PARPBP: variants seen among roughly 807,000 people sequenced by gnomAD.
PARPBP encodes PARP1 binding protein, also known as PCNA-interacting partner.
Under a neutral mutation model 50.0 loss-of-function variants are expected in PARPBP, and 52 were observed. The ratio of observed to expected loss-of-function variants is 1.04; its 90% CI spans 0.83 to 1.31. The LOEUF is 1.31. Among genes scored for constraint, PARPBP ranks in the 50% most tolerant of loss-of-function variants. The pLI is 0.00. For missense variants in PARPBP, 697 were observed against 672.0 expected (o/e 1.04, Z -0.41); for synonymous variants, 244 against 232.1 (o/e 1.05, Z -0.47).
chr12:102,157,158 G>T (rs1202544469), intron 4 of PARPBP, among the ~76,000 whole-genome samples: 3 of 152,004 alleles, frequency 2.0e-5, no homozygotes, highest in Non-Finnish European at 4.4e-5. Flanking sequence ...TAATACTCTT[G>T]TATGTCTCTT....
intron 4 of PARPBP, chr12:102,154,807 C>T (rs560188256): frequency 3.3e-5 from 15 of 453,820 alleles, no homozygotes; most frequent in African/African-American, 2.6e-4. Context: ...TATCAATTAA[C>T]TAAATCTTTC....
In PARPBP at chr12:102,123,841, G is replaced by A. The variant is rs1258846660; in HGVS notation, c.-3-45G>A. 4.5e-6 allele frequency: 6 copies of A among 1,341,126 alleles called. No individual in the cohort carries two copies. The Admixed American group carries it at 8.1e-5, about 18-fold the overall frequency. The allele number at this position is 1,341,126 out of a possible 1,614,324, so 83.1% of individuals were successfully genotyped here. A position where few individuals can be genotyped will look rare whatever the true frequency, so the allele number is the denominator to read the frequency against. Reference sequence around the variant, plus strand: ...CTATACATGTTAAATGTTAATTTCAGGTTAACATAAGATACTTTAACTTTG... The same window carrying A: ...CTATACATGTTAAATGTTAATTTCAAGTTAACATAAGATACTTTAACTTTG... On this transcript the variant is annotated intron_variant, in intron 1 of 10. Coordinates refer to ENST00000327680, the MANE Select transcript of PARPBP (RefSeq NM_017915.5).
intron 4 of PARPBP, among the ~76,000 whole-genome samples, chr12:102,160,948 C>CA (rs879283980): frequency 0.037 from 4,761 of 128,584 alleles, 137 homozygotes; most frequent in Middle Eastern, 0.095. Flanking sequence ...AACATCATCT[C>CA]AAAAAAAAAA....
chr12:102,148,523 G>T (rs1305349185), intron 3 of PARPBP, 60 bp downstream of exon 3: 1 of 646,538 alleles, frequency 1.5e-6, no homozygotes, highest in Non-Finnish European at 2.5e-6. Context: ...TATTTATTTT[G>T]AATTATAGTA....
intron 7 of PARPBP, among the ~76,000 whole-genome samples, chr12:102,176,667 C>G (rs954961485): frequency 6.6e-6 from 1 of 152,056 alleles, no homozygotes; most frequent in Non-Finnish European, 1.5e-5. Context: ...TCTAATAGCC[C>G]CTTTTTATTA....
At chr12:102,172,746 T>C (rs1283610188) in intron 6 of PARPBP, among the ~76,000 whole-genome samples, 2 of 152,224 alleles carry the variant, frequency 1.3e-5, no homozygotes, top group Admixed American at 6.5e-5. Context: ...TTTCCTAATA[T>C]CATTTGAAGC....
At chr12:102,180,850 C>T (rs919336559) in intron 8 of PARPBP, among the ~76,000 whole-genome samples, 1 of 152,152 alleles carries the variant, frequency 6.6e-6, no homozygotes, top group Non-Finnish European at 1.5e-5. Context: ...CAGTGGTCTA[C>T]ACTGAAATGA....
At chr12:102,138,314 T>C (rs932924086) in intron 2 of PARPBP, among the ~76,000 whole-genome samples, 1 of 152,250 alleles carries the variant, frequency 6.6e-6, no homozygotes, top group Non-Finnish European at 1.5e-5. Flanking sequence ...TTTTGAGAAG[T>C]ATCTGTTCAT....
At chr12:102,161,289 G>A (rs1034877445) in intron 4 of PARPBP, among the ~76,000 whole-genome samples, 2 of 151,892 alleles carry the variant, frequency 1.3e-5, no homozygotes, top group Non-Finnish European at 2.9e-5. Context: ...TGTATTTTTA[G>A]TAGAGACAGG....
chr12:102,120,194 C>G lies in PARPBP; in HGVS notation c.-96C>G. The G allele has an allele frequency of 4.1e-6, 1 of 242,992 alleles. No homozygotes were observed. Among genetic ancestry groups the G allele is most frequent in the Admixed American group, 5.1e-5 (1 of 19,484 alleles). 15.1% of individuals were successfully genotyped at this position (242,992 alleles called of 1,614,324 possible). A position where few individuals can be genotyped will look rare whatever the true frequency, so the allele number is the denominator to read the frequency against. Reference sequence around the variant, plus strand: ...GCGAGGTTTGAACTGTATTCAGCGGCGACAGCGGCGACTGCGGCGGCCGCG... The same window carrying G: ...GCGAGGTTTGAACTGTATTCAGCGGGGACAGCGGCGACTGCGGCGGCCGCG... On this transcript the variant is annotated 5_prime_UTR_variant, in exon 1 of 11. Transcript: ENST00000327680.
At chr12:102,151,727 G>C in intron 3 of PARPBP, 1 of 1,535,648 alleles carries the variant, frequency 6.5e-7, no homozygotes, top group Admixed American at 2.0e-5. Flanking sequence ...CTAAACTTCA[G>C]ATTGCCTGGG....
At chr12:102,124,563 A>T (rs1881667537) in intron 2 of PARPBP, among the ~76,000 whole-genome samples, 2 of 152,318 alleles carry the variant, frequency 1.3e-5, no homozygotes, top group African/African-American at 4.8e-5. Flanking sequence ...TGAATGTAGG[A>T]TAGAGTGGTA....
intron 2 of PARPBP, among the ~76,000 whole-genome samples, chr12:102,127,894 T>A (rs183496235): frequency 2.7e-4 from 41 of 152,292 alleles, no homozygotes; most frequent in African/African-American, 9.1e-4. Flanking sequence ...TTAAAAAAAA[T>A]TAGTTTTTTA....
Position 102,196,247 on chromosome 12 carries a change from T to A in PARPBP, c.1696T>A (p.Leu566Met). 6.2e-7 allele frequency: 1 copy of A among 1,601,048 alleles called. No homozygotes were observed. The highest frequency in any genetic ancestry group is 1.3e-5 in the African/African-American group (1 of 74,234). ...KSNKCTAKDK[L>M]ISGQAKLTQF... ...TAATAAATGTACTGCCAAGGACAAG[T>A]TGATTTCTGGCCAGGCAAAGTTAAC... Residue 566 changes from leucine (L) to methionine (M), a missense_variant, in exon 11 of 11, where the codon TTG becomes ATG. Transcript: ENST00000327680.
intron 2 of PARPBP, among the ~76,000 whole-genome samples, chr12:102,137,788 A>C (rs11111173): frequency 0.19 from 28,638 of 151,906 alleles, 2,742 homozygotes; most frequent in Non-Finnish European, 0.21. Context: ...GTTTGCTCGG[A>C]ATGATGGTTT....
chr12:102,160,740 G>T (rs1174978234), intron 4 of PARPBP, among the ~76,000 whole-genome samples: 1 of 152,176 alleles, frequency 6.6e-6, no homozygotes, highest in Non-Finnish European at 1.5e-5. Flanking sequence ...CCTGAGGTTA[G>T]GAGTTTGACA....
chr12:102,184,220 T>C (rs1361929693), intron 9 of PARPBP, among the ~76,000 whole-genome samples: 1 of 152,072 alleles, frequency 6.6e-6, no homozygotes, highest in Non-Finnish European at 1.5e-5. Flanking sequence ...AGTAGGTGTA[T>C]ATGTTTATGG....
chr12:102,171,970 C>A (rs1451936442), intron 6 of PARPBP, among the ~76,000 whole-genome samples: 6 of 151,976 alleles, frequency 3.9e-5, no homozygotes, highest in Non-Finnish European at 7.4e-5. Flanking sequence ...AAATAGTTAT[C>A]AAATTCTTGA....
chr12:102,140,402 C>T (rs1294794684), intron 2 of PARPBP, among the ~76,000 whole-genome samples: 1 of 152,048 alleles, frequency 6.6e-6, no homozygotes, highest in Non-Finnish European at 1.5e-5. Context: ...TACTAGTGGT[C>T]CATCAATTTT....
Sources: allele counts gnomAD v4.1 joint callset (sites outside exome capture counted in the v4.1 genomes callset), GRCh38; gene constraint gnomAD v4.1.1; transcripts MANE v1.5; gene names NCBI Gene and HGNC (gene_info 2026-07-23, HGNC 2026-07-21).